MDN1: variants seen among roughly 807,000 people sequenced by gnomAD.
MDN1 encodes midasin.
MDN1 carries 266 observed loss-of-function variants against 669.2 expected under a neutral mutation model. The observed-to-expected ratio is 0.40, with a 90% CI of 0.36 to 0.44. The LOEUF (loss-of-function observed/expected upper bound fraction) is 0.44, where lower values mean the gene tolerates loss of function less well. Ranked by LOEUF, MDN1 falls within the 20% of genes least tolerant of loss-of-function variation. The pLI is 1.00. For synonymous variants in MDN1, 2,385 were observed against 2,457.1 expected (o/e 0.97, Z 0.87); for missense variants, 5,940 against 6,754.0 (o/e 0.88, Z 4.22).
rs1347335332 is a variant in MDN1, at chr6:89,700,296, TG to T, written c.8639-3del. ...CATGCACAAAATTCTTCAATTCATCTGGACAAAAAGACAAATGTTGTATGAG... is the reference window on the plus strand; with the variant it reads ...CATGCACAAAATTCTTCAATTCATCTGACAAAAAGACAAATGTTGTATGAG... On this transcript the variant is annotated splice_polypyrimidine_tract_variant and splice_region_variant and intron_variant, in intron 56 of 101. Coordinates refer to ENST00000369393, the MANE Select transcript of MDN1 (RefSeq NM_014611.3). 1.2e-6 allele frequency: 2 copies of T among 1,610,986 alleles called. No individual in the cohort carries two copies. Among genetic ancestry groups the T allele is most frequent in the African/African-American group, 2.7e-5 (2 of 74,888 alleles).
chr6:89,788,445 C>A (rs1242944252), intron 7 of MDN1, among the ~76,000 whole-genome samples: 1 of 152,188 alleles, frequency 6.6e-6, no homozygotes, highest in East Asian at 1.9e-4. Context: ...AGAAATGGTA[C>A]ATACACTTCA....
rs771727800 is a variant in MDN1 at position 89,677,770 on chromosome 6, C to T, written c.12413-74G>A. On this transcript the variant is annotated intron_variant, in intron 75 of 101. Coordinates refer to ENST00000369393, the MANE Select transcript of MDN1 (RefSeq NM_014611.3). ...GGATGTGCCCCCCTCTCCCCTGCTA[C>T]TCAAAGCAAAGTCTTCTAAACAGCA... The T allele has an allele frequency of 3.0e-4, 482 of 1,596,252 alleles. 3 individuals carry two copies. Among genetic ancestry groups the T allele is most frequent in the Middle Eastern group, 1.8e-3 (11 of 5,992 alleles).
At chr6:89,670,170 A>ATATATATATTTTTTT (rs1444537561) in intron 83 of MDN1, among the ~76,000 whole-genome samples, 46 of 23,348 alleles carry the variant, frequency 2.0e-3, no homozygotes, top group Non-Finnish European at 2.3e-3. Context: ...ATATATATAT[A>ATATATATATTTTTTT]TTTTTTTTTT....
In MDN1 at chr6:89,650,009, A is replaced by T. The variant is rs748779111; in HGVS notation, c.16206+15T>A. 17 of 1,613,522 alleles carry T rather than the reference A, an allele frequency of 1.1e-5. No homozygotes were observed. In the South Asian group the frequency reaches 1.9e-4, roughly 18 times the overall value. ...TAATTTCCTATCAAACTGCCACTGC[A>T]TTTCTCTTCCTTACCTGCTTGGTAT... is the stretch of plus-strand genomic sequence containing the variant. On this transcript the variant is annotated intron_variant, in intron 97 of 101. Transcript: ENST00000369393.
rs1554188772 is a variant in MDN1, at chr6:89,734,691, A to AAGAG, written c.4724-1920_4724-1917dup. Among the ~76,000 whole-genome samples the AAGAG allele has an allele frequency of 1.5e-3, 165 of 112,980 alleles. 7 individuals are homozygous for AAGAG. Among genetic ancestry groups the AAGAG allele is most frequent in the African/African-American group, 4.6e-3 (133 of 28,866 alleles). The allele number at this position is 112,980 out of a possible 152,430, so 74.1% of individuals were successfully genotyped here. A position where few individuals can be genotyped will look rare whatever the true frequency, so the allele number is the denominator to read the frequency against. Reference sequence around the variant, plus strand: ...AGAAGAAAAAAAAAAAAAAAAAAACAAGAGAGAGAGAGAGAGAGAGAGAGA... The same window carrying AAGAG: ...AGAAGAAAAAAAAAAAAAAAAAAACAAGAGAGAGAGAGAGAGAGAGAGAGAGAGA... On this transcript the variant is annotated intron_variant, in intron 33 of 101. Transcript: ENST00000369393.
Position 89,695,937 on chromosome 6 carries a change from C to T in MDN1, c.9439G>A (p.Ala3147Thr), listed in dbSNP as rs557629478. The change falls in exon 61 of 102, where the codon GCA becomes ACA. Residue 3147 changes from alanine (A) to threonine (T), a missense_variant. By Grantham distance (58) the Ala-to-Thr change is moderately conservative. Around this residue, in one of 5 missense-constraint regions of MDN1, gnomAD observed 2,292 missense variants for 2,638.3 expected, o/e 0.87. Coordinates refer to ENST00000369393, the MANE Select transcript of MDN1 (RefSeq NM_014611.3). This position sits in a 1 kb window ranked among gnomAD's most constrained non-coding sequence, Gnocchi z 4.1. The part of the protein sequence containing the change: ...QVLFRHLAGL[A>T]ELLPESRRQE... ...CGCCGGGACTCTGGGAGCAGCTCTG[C>T]TAGGCCTGCCAGGTGCCGGAACAGC... 6.2e-7 allele frequency: 1 copy of T among 1,612,268 alleles called. No individual in the cohort carries two copies. The highest frequency in any genetic ancestry group is 1.7e-5 in the Admixed American group (1 of 60,022).
chr6:89,663,036 G>A, intron 85 of MDN1, 69 bp from the exon 86 acceptor site: 2 of 1,564,824 alleles, frequency 1.3e-6, no homozygotes, highest in Non-Finnish European at 8.7e-7. Flanking sequence ...TAAGAGAGGT[G>A]TGGACCCGCT....
At chr6:89,796,617 G>A (rs548287452) in intron 2 of MDN1, among the ~76,000 whole-genome samples, 43 of 152,216 alleles carry the variant, frequency 2.8e-4, no homozygotes, top group African/African-American at 9.1e-4. Context: ...CTACTCTGAC[G>A]GGAGATGCTG....
At chr6:89,761,922 C>T (rs1049648572) in intron 16 of MDN1, among the ~76,000 whole-genome samples, 174 bp from the exon 17 acceptor site, 6 of 152,188 alleles carry the variant, frequency 3.9e-5, no homozygotes, top group Non-Finnish European at 1.5e-5. Context: ...AATTAGCCCA[C>T]ATGTATGAAT....
rs376606278 is a variant in MDN1 at position 89,683,083 on chromosome 6, C to T, written c.12102+49G>A. The T allele has an allele frequency of 3.2e-6, 5 of 1,584,192 alleles. No homozygotes were observed. The African/African-American group carries it at 4.0e-5, about 13-fold the overall frequency. ...ATGCCTTGCACATAAAACACAGATC[C>T]CACTTGACTGGCTTGGGAATAAGCC... On this transcript the variant is annotated intron_variant, in intron 73 of 101. Transcript: ENST00000369393.
chr6:89,661,932 CCTGTTAAGAGCCT>C (rs1173269794), intron 87 of MDN1, among the ~76,000 whole-genome samples, 142 bp downstream of exon 87: 3 of 152,154 alleles, frequency 2.0e-5, no homozygotes, highest in African/African-American at 4.8e-5. Flanking sequence ...TATTTTATGT[CCTGTTAAGAGCCT>C]CTGTTGCATA....
At chr6:89,650,294 T>C (rs537023718) in intron 96 of MDN1, 96 bp from the exon 97 acceptor site, 4 of 1,142,096 alleles carry the variant, frequency 3.5e-6, no homozygotes, top group East Asian at 2.6e-5. Flanking sequence ...TTAAAACCAA[T>C]AGCAAGTAAC....
intron 27 of MDN1, 84 bp downstream of exon 27, chr6:89,747,245 C>T (rs1208221557): frequency 6.7e-7 from 1 of 1,488,116 alleles, no homozygotes; most frequent in Admixed American, 1.9e-5. Context: ...ATGTATCAAT[C>T]ACAATTTGAG....
rs1229430221 is a variant in MDN1, at chr6:89,671,042, CACCA to C, written c.13829_13832del (p.Leu4610ArgfsTer15). 1 of 1,613,926 alleles carries C rather than the reference CACCA, an allele frequency of 6.2e-7. No individual in the cohort carries two copies. The highest frequency in any genetic ancestry group is 1.3e-5 in the African/African-American group (1 of 74,880). The stretch of plus-strand genomic sequence containing the variant: ...GGTCTGAGTAGCTGGAGAGGACCGG[CACCA>C]GGCGCACCAGCAAGGAACAGGATTG... On this transcript the variant is annotated frameshift_variant, in exon 83 of 102. Coordinates refer to ENST00000369393, the MANE Select transcript of MDN1 (RefSeq NM_014611.3). LOFTEE classifies it high-confidence loss of function.
At chr6:89,646,431 G>C in intron 100 of MDN1, 109 bp downstream of exon 100, 1 of 855,612 alleles carries the variant, frequency 1.2e-6, no homozygotes, top group Non-Finnish European at 1.9e-6. Context: ...TTCCTGTGGA[G>C]CATACCTATT....
intron 19 of MDN1, 29 bp downstream of exon 19, chr6:89,758,226 A>C: frequency 1.3e-6 from 2 of 1,560,136 alleles, no homozygotes; most frequent in Non-Finnish European, 1.8e-6. Context: ...GTTGCAAAAA[A>C]GGAAAGTCTC....
At chr6:89,693,320 C>T (rs544676515) in intron 62 of MDN1, among the ~76,000 whole-genome samples, 172 bp from the exon 63 acceptor site, 23 of 152,158 alleles carry the variant, frequency 1.5e-4, no homozygotes, top group Non-Finnish European at 2.8e-4. Context: ...AAATGGATAA[C>T]ATTTACACAG....
chr6:89,729,204 C>T (rs1815421015), intron 35 of MDN1, 65 bp from the exon 36 acceptor site: 1 of 1,329,992 alleles, frequency 7.5e-7, no homozygotes, highest in South Asian at 1.3e-5. Context: ...TATGCATCAA[C>T]TCAAGATTTT....
chr6:89,793,995 G>A, intron 4 of MDN1, 41 bp from the exon 5 acceptor site: 1 of 1,531,782 alleles, frequency 6.5e-7, no homozygotes, highest in Non-Finnish European at 9.0e-7. Flanking sequence ...TTACCACTCA[G>A]AAATGCTATC....
Sources: allele counts gnomAD v4.1 joint callset (sites outside exome capture counted in the v4.1 genomes callset), GRCh38; gene constraint gnomAD v4.1.1; regional missense constraint gnomAD v4.1.1; non-coding constraint Gnocchi (gnomAD v3.1); transcripts MANE v1.5; gene names NCBI Gene and HGNC (gene_info 2026-07-23, HGNC 2026-07-21).